SLC5A11: variants seen among roughly 807,000 people sequenced by gnomAD.
The protein encoded by SLC5A11 is solute carrier family 5 member 11.
In SLC5A11, 48 loss-of-function variants were observed where a neutral mutation model predicts 69.8. The observed-to-expected ratio is 0.69, with a 90% CI of 0.55 to 0.87. The LOEUF (loss-of-function observed/expected upper bound fraction) is 0.87, where lower values mean the gene tolerates loss of function less well. SLC5A11 is among the 40% of genes least tolerant of loss of function. The pLI, the probability that SLC5A11 is intolerant of heterozygous loss-of-function variation, is 0.00. For synonymous variants in SLC5A11, 319 were observed against 342.4 expected, an observed-to-expected ratio of 0.93 and a Z score of 0.75; for missense variants, 784 against 866.1, an observed-to-expected ratio of 0.91 and a Z score of 1.19.
At chr16:24,852,658 A>G (rs544788572) in intron 1 of SLC5A11, among the ~76,000 whole-genome samples, 64 of 152,274 alleles carry the variant, frequency 4.2e-4, no homozygotes, top group African/African-American at 1.5e-3. Flanking sequence ...CACTTCACCG[A>G]GTGGGCCCAG....
At chr16:24,894,787 G>A (rs186518982) in intron 9 of SLC5A11, among the ~76,000 whole-genome samples, 15 of 150,088 alleles carry the variant, frequency 1.0e-4, no homozygotes, top group African/African-American at 3.2e-4. Flanking sequence ...GTGACAGAGC[G>A]AGACTCCGTC....
At chr16:24,861,914 CTT>C (rs1555520392) in intron 2 of SLC5A11, 2 of 152,112 alleles carry the variant, frequency 1.3e-5, no homozygotes, top group Non-Finnish European at 2.9e-5. Context: ...GGATTACAGA[CTT>C]TATTAAAGAA....
At chr16:24,879,701 C>T (rs1355958697) in intron 7 of SLC5A11, among the ~76,000 whole-genome samples, 1 of 152,104 alleles carries the variant, frequency 6.6e-6, no homozygotes, top group Non-Finnish European at 1.5e-5. Context: ...ATGGAGATCA[C>T]ACCACTGCAC....
At chr16:24,874,138 T>A (rs1431930431) in intron 5 of SLC5A11, among the ~76,000 whole-genome samples, 2 of 152,190 alleles carry the variant, frequency 1.3e-5, no homozygotes, top group African/African-American at 2.4e-5. Context: ...GGAGGTAATA[T>A]TCTTTTGTTA....
At chr16:24,896,125 A>G (rs2049148915) in intron 9 of SLC5A11, among the ~76,000 whole-genome samples, 1 of 150,748 alleles carries the variant, frequency 6.6e-6, no homozygotes. Flanking sequence ...AGGCTGAGGC[A>G]GGAGGGTTGT....
intron 10 of SLC5A11, among the ~76,000 whole-genome samples, chr16:24,898,596 G>A (rs1375531475): frequency 1.3e-5 from 2 of 149,996 alleles, no homozygotes; most frequent in Non-Finnish European, 3.0e-5. Context: ...TTGGCTCACT[G>A]CAAGCTCTGC....
At chr16:24,907,281 A>G (rs967823097) in intron 12 of SLC5A11, 106 bp downstream of exon 13, 17 of 1,259,048 alleles carry the variant, frequency 1.4e-5, no homozygotes, top group Admixed American at 4.1e-5. Flanking sequence ...GAAGAGCATT[A>G]GGACTCCATG....
At chr16:24,866,317 G>C (rs2046911109) in intron 3 of SLC5A11, among the ~76,000 whole-genome samples, 1 of 151,370 alleles carries the variant, frequency 6.6e-6, no homozygotes, top group African/African-American at 2.4e-5. Flanking sequence ...ATACAAATAG[G>C]GCTGGGCATG....
At chr16:24,890,501 AAAAAAAAAAAAAAAGAAG>A (rs1211535572) in intron 8 of SLC5A11, among the ~76,000 whole-genome samples, 1,636 of 59,964 alleles carry the variant, frequency 0.027, 55 homozygotes, top group African/African-American at 0.054. Flanking sequence ...AAAAAAAAAA[AAAAAAAAAAAAAAAGAAG>A]GAAGGAAGGA....
At chr16:24,862,307 T>C (rs1304410660) in intron 2 of SLC5A11, among the ~76,000 whole-genome samples, 2 of 152,220 alleles carry the variant, frequency 1.3e-5, no homozygotes, top group East Asian at 3.9e-4. Context: ...TAAAACATCA[T>C]AAACAAGCCA....
At chr16:24,908,399 G>C (rs1417404411) in intron 13 of SLC5A11, among the ~76,000 whole-genome samples, 1 of 152,090 alleles carries the variant, frequency 6.6e-6, no homozygotes, top group African/African-American at 2.4e-5. Flanking sequence ...AGGAGTTTGA[G>C]ACCAGCCTGG....
At chr16:24,901,959 C>A (rs2049650072) in intron 10 of SLC5A11, among the ~76,000 whole-genome samples, 1 of 95,550 alleles carries the variant, frequency 1.0e-5, no homozygotes, top group Non-Finnish European at 2.1e-5. Flanking sequence ...CACACACACG[C>A]ACACACACAC....
intron 10 of SLC5A11, among the ~76,000 whole-genome samples, chr16:24,900,676 G>T (rs903971573): frequency 2.6e-5 from 4 of 152,180 alleles, no homozygotes; most frequent in African/African-American, 9.7e-5. Flanking sequence ...ACTTTGGCAG[G>T]CTGAGGCAGG....
In SLC5A11 at chr16:24,905,640, G is replaced by GCGCGCGCACACACA. The variant is rs1443035551; in HGVS notation, c.1007-1016_1007-1015insGCGCGCACACACAC. 1.2e-4 allele frequency among the ~76,000 whole-genome samples: 16 copies of GCGCGCGCACACACA among 136,778 alleles called. No homozygotes were observed. The East Asian group carries it at 1.3e-3, about 11-fold the overall frequency. 89.7% of individuals were successfully genotyped at this position (136,778 alleles called of 152,430 possible). A position where few individuals can be genotyped will look rare whatever the true frequency, so the allele number is the denominator to read the frequency against. ...CCATCTCAAAAACACGCGCGCGCGC[G>GCGCGCGCACACACA]CACACACACACACACACACACACAC... On this transcript the variant is annotated intron_variant, in intron 10 of 15. Coordinates refer to ENST00000347898, the Ensembl canonical transcript of SLC5A11.
At chr16:24,894,293 C>T (rs1279422713) in intron 9 of SLC5A11, among the ~76,000 whole-genome samples, 3 of 152,158 alleles carry the variant, frequency 2.0e-5, no homozygotes, top group Non-Finnish European at 4.4e-5. Flanking sequence ...CCATGCTCCA[C>T]CATGACAGCT....
chr16:24,878,886 T>G (rs147425407), intron 7 of SLC5A11, among the ~76,000 whole-genome samples: 4,892 of 151,946 alleles, frequency 0.032, 210 homozygotes, highest in African/African-American at 0.094. Flanking sequence ...TACAGAAAAA[T>G]TAGCTGGGCA....
intron 9 of SLC5A11, among the ~76,000 whole-genome samples, chr16:24,893,291 A>AAATTAATT (rs55990088): frequency 1.4e-3 from 202 of 146,624 alleles, no homozygotes; most frequent in Middle Eastern, 7.1e-3. Context: ...CCATCTCAAA[A>AAATTAATT]AATTAATTAA....
chr16:24,860,949 C>T (rs763272612), intron 2 of SLC5A11, among the ~76,000 whole-genome samples: 11 of 151,960 alleles, frequency 7.2e-5, no homozygotes, highest in Non-Finnish European at 1.2e-4. Flanking sequence ...CCTCGTGATC[C>T]GCCTGCCTCG....
rs558734236 is a variant in SLC5A11 at position 24,900,692 on chromosome 16, C to A, written c.1006+2583C>A. On this transcript the variant is annotated intron_variant, in intron 10 of 15. Coordinates refer to ENST00000347898, the Ensembl canonical transcript of SLC5A11. ...CTTTGGCAGGCTGAGGCAGGAGGAT[C>A]TCTTGAGGCCAAGAGTTCAAGACCA... 6.6e-5 allele frequency among the ~76,000 whole-genome samples: 10 copies of A among 152,222 alleles called. No individual in the cohort carries two copies. The South Asian group carries it at 2.1e-3, about 32-fold the overall frequency.
Sources: allele counts gnomAD v4.1 joint callset (sites outside exome capture counted in the v4.1 genomes callset), GRCh38; gene constraint gnomAD v4.1.1; transcripts MANE v1.5; gene names NCBI Gene and HGNC (gene_info 2026-07-23, HGNC 2026-07-21).